Variants in GOLM1 observed in about 807,000 individuals in gnomAD.
The protein encoded by GOLM1 is golgi membrane protein 1.
Under a neutral mutation model 50.5 loss-of-function variants are expected in GOLM1, and 31 were observed. The observed-to-expected ratio is 0.61, with a 90% CI of 0.46 to 0.83. The LOEUF (loss-of-function observed/expected upper bound fraction) is 0.83. Ranked by LOEUF, GOLM1 falls within the 40% of genes least tolerant of loss-of-function variation. The pLI is 0.00. For synonymous variants in GOLM1, 178 were observed against 192.8 expected (o/e 0.92, Z 0.64); for missense variants, 491 against 501.3 (o/e 0.98, Z 0.20).
rs1834655371 is a variant in GOLM1, at chr9:86,077,517, GTTC to G, written c.201_203del (p.Lys67del). 5 of 1,613,080 alleles carry G rather than the reference GTTC, an allele frequency of 3.1e-6. No homozygotes were observed. The highest frequency in any genetic ancestry group is 1.1e-5 in the South Asian group (1 of 91,080). On this transcript the variant is annotated inframe_deletion, in exon 3 of 10. Coordinates refer to ENST00000388712, the MANE Select transcript of GOLM1 (RefSeq NM_016548.4). ...GCTTCTCCAGCTCTCCCTGGAACTCGTTCTTCTTCAGCTCCACGGCGCCTCTCT... is the reference window on the plus strand; with the variant it reads ...GCTTCTCCAGCTCTCCCTGGAACTCGTTCTTCAGCTCCACGGCGCCTCTCT...
chr9:86,048,826 G>A (rs1833644061), intron 4 of GOLM1, among the ~76,000 whole-genome samples: 1 of 152,118 alleles, frequency 6.6e-6, no homozygotes, highest in Non-Finnish European at 1.5e-5. Flanking sequence ...TCTGTAGCTT[G>A]CCTGTTCACT....
chr9:86,074,229 A>C (rs1053978109), intron 3 of GOLM1, among the ~76,000 whole-genome samples: 1 of 125,994 alleles, frequency 7.9e-6, no homozygotes, highest in Non-Finnish European at 1.6e-5. Context: ...CTAACCTTCT[A>C]AGATTTAAAA....
chr9:86,039,927 C>A (rs1165914158), intron 6 of GOLM1, among the ~76,000 whole-genome samples: 1 of 149,834 alleles, frequency 6.7e-6, no homozygotes, highest in Non-Finnish European at 1.5e-5. Flanking sequence ...GAGATCGCGC[C>A]ACTGCACTCT....
Position 86,026,301 on chromosome 9 carries a change from G to A in GOLM1, c.*1516C>T. On this transcript the variant is annotated 3_prime_UTR_variant, in exon 10 of 10. Coordinates refer to ENST00000388712, the MANE Select transcript of GOLM1 (RefSeq NM_016548.4). ...GAAGAGGACTTAGAAGAGTATGAAA[G>A]TACTCTAAGATTTTATCTAAGTTGC... is the stretch of plus-strand genomic sequence containing the variant. 1 of 984,052 alleles carries A rather than the reference G, an allele frequency of 1.0e-6. No individual in the cohort carries two copies. The highest frequency in any genetic ancestry group is 1.2e-6 in the Non-Finnish European group (1 of 828,710). The allele number at this position is 984,052 out of a possible 1,614,324, so 61.0% of individuals were successfully genotyped here. A position where few individuals can be genotyped will look rare whatever the true frequency, so the allele number is the denominator to read the frequency against.
At chr9:86,033,561 C>A (rs1833046955) in intron 8 of GOLM1, among the ~76,000 whole-genome samples, 166 bp from the exon 9 acceptor site, 1 of 152,198 alleles carries the variant, frequency 6.6e-6, no homozygotes, top group African/African-American at 2.4e-5. Context: ...AGGACAAGCA[C>A]ATGCATTATG....
chr9:86,053,579 CCA>C (rs1833866327), intron 3 of GOLM1, among the ~76,000 whole-genome samples: 1 of 7,526 alleles, frequency 1.3e-4, no homozygotes, highest in Non-Finnish European at 3.4e-4. Context: ...ATCACACACA[CCA>C]CACACCACAC....
At chr9:86,074,465 C>T (rs1834549277) in intron 3 of GOLM1, among the ~76,000 whole-genome samples, 6 of 152,178 alleles carry the variant, frequency 3.9e-5, no homozygotes, top group Non-Finnish European at 1.5e-5. Flanking sequence ...TCAGCACTGA[C>T]CAACTCAAGC....
intron 4 of GOLM1, among the ~76,000 whole-genome samples, chr9:86,048,306 C>T (rs1406733180): frequency 1.3e-5 from 2 of 149,710 alleles, no homozygotes; most frequent in African/African-American, 5.0e-5. Flanking sequence ...CATGTCTTTA[C>T]TATTGTGAAT....
intron 9 of GOLM1, among the ~76,000 whole-genome samples, chr9:86,028,628 C>CCTGTGTTAG (rs1715480575): frequency 6.6e-6 from 1 of 152,200 alleles, no homozygotes; most frequent in East Asian, 1.9e-4. Context: ...ACACAAGCTG[C>CCTGTGTTAG]CTGTGGACAG....
At chr9:86,099,774 C>T (rs1006143978), upstream of GOLM1, among the ~76,000 whole-genome samples, 1 of 152,048 alleles carries the variant, frequency 6.6e-6, no homozygotes, top group African/African-American at 2.4e-5. Context: ...CCCCTTCCCC[C>T]GGGCCACCCC....
intron 4 of GOLM1, among the ~76,000 whole-genome samples, chr9:86,050,180 G>A (rs560554473): frequency 7.2e-5 from 11 of 152,246 alleles, no homozygotes; most frequent in African/African-American, 1.4e-4. Context: ...ACTGATTTGC[G>A]TATGTTGAAC....
chr9:86,026,998 G>A lies in GOLM1; in HGVS notation c.*819C>T, dbSNP rs1054838836. On this transcript the variant is annotated 3_prime_UTR_variant, in exon 10 of 10. Transcript: ENST00000388712. The stretch of plus-strand genomic sequence containing the variant: ...CCTCTCATGCCTTGCCTCTCACCAT[G>A]CTCTGCTCCAGGTCAGCCCCCTTTT... 1.0e-6 allele frequency: 1 copy of A among 985,204 alleles called. No individual in the cohort carries two copies. The highest frequency in any genetic ancestry group is 1.7e-5 in the African/African-American group (1 of 57,186). The allele number at this position is 985,204 out of a possible 1,614,324, so 61.0% of individuals were successfully genotyped here.
At chr9:86,036,240 G>A (rs940917157) in intron 7 of GOLM1, 108 bp downstream of exon 7, 1 of 1,113,180 alleles carries the variant, frequency 9.0e-7, no homozygotes, top group Admixed American at 1.8e-5. Flanking sequence ...CCTGCTCCTG[G>A]CTGCGCCGCT....
intron 1 of GOLM1, 199 bp from the exon 2 acceptor site, chr9:86,079,540 G>A (rs1834725080): frequency 2.4e-6 from 1 of 413,728 alleles, no homozygotes; most frequent in Admixed American, 4.1e-5. Flanking sequence ...TGAACCCAGG[G>A]CAGTGTGGCC....
At chr9:86,076,836 C>T (rs932344959) in intron 3 of GOLM1, among the ~76,000 whole-genome samples, 2 of 149,250 alleles carry the variant, frequency 1.3e-5, no homozygotes, top group East Asian at 2.0e-4. Context: ...CCAGCCTGGG[C>T]GACAGAGCCA....
At chr9:86,042,779 G>C (rs919045897) in intron 5 of GOLM1, among the ~76,000 whole-genome samples, 10 of 152,314 alleles carry the variant, frequency 6.6e-5, no homozygotes, top group Non-Finnish European at 1.0e-4. Flanking sequence ...CAAGTACGAA[G>C]AGCCTTTATC....
chr9:86,045,671 C>CA (rs1347505540), intron 5 of GOLM1, among the ~76,000 whole-genome samples: 26 of 121,718 alleles, frequency 2.1e-4, no homozygotes, highest in African/African-American at 9.1e-4. Context: ...AGACTCCGCT[C>CA]AAGAAAAAAA....
At chr9:86,045,228 G>A (rs1012892877) in intron 5 of GOLM1, among the ~76,000 whole-genome samples, 3 of 149,414 alleles carry the variant, frequency 2.0e-5, no homozygotes, top group African/African-American at 7.4e-5. Context: ...GTGGGCGCCT[G>A]TAGTCCCAGC....
rs778395865 is a variant in GOLM1, at chr9:86,036,431, C to T, written c.674G>A (p.Gly225Glu). Reference sequence around the variant, plus strand: ...GGACTTGCTGTTACCAAGCACGTTTCCCTTCCCTTGTGGCACCTCTGTGTG... The same window carrying T: ...GGACTTGCTGTTACCAAGCACGTTTTCCTTCCCTTGTGGCACCTCTGTGTG... ...LPHTEVPQGK[G>E]NVLGNSKSQT... is the part of the protein sequence containing the mutation. Residue 225 changes from glycine (G) to glutamate (E), a missense_variant, in exon 7 of 10, where the codon GGA (glycine) becomes GAA (glutamate). By Grantham distance (98) the Gly-to-Glu change is moderately conservative (BLOSUM62 -2). Coordinates refer to ENST00000388712, the MANE Select transcript of GOLM1 (RefSeq NM_016548.4). 1.2e-6 allele frequency: 2 copies of T among 1,614,052 alleles called. No homozygotes were observed. Among genetic ancestry groups the T allele is most frequent in the African/African-American group, 2.7e-5 (2 of 74,918 alleles).
Sources: allele counts gnomAD v4.1 joint callset (sites outside exome capture counted in the v4.1 genomes callset), GRCh38; gene constraint gnomAD v4.1.1; transcripts MANE v1.5; gene names NCBI Gene and HGNC (gene_info 2026-07-23, HGNC 2026-07-21).